The following COMMD1 variants were observed in gnomAD, a reference collection of about 807,000 sequenced individuals.
COMMD1 encodes COMM domain-containing protein 1.
Under a neutral mutation model 17.2 loss-of-function variants are expected in COMMD1, and 10 were observed. That is an observed-to-expected ratio of 0.58 (90% CI 0.36 to 0.99). COMMD1 has a LOEUF of 0.99. Ranked by LOEUF, COMMD1 falls within the 50% of genes least tolerant of loss-of-function variation. The probability of loss-of-function intolerance (pLI) is 0.01; values close to 1 mark genes in which losing one functional copy is unlikely to be tolerated. For synonymous variants in COMMD1, 97 were observed against 91.6 expected (o/e 1.06, Z -0.34); for missense variants, 270 against 231.8 (o/e 1.17, Z -1.07).
At chr2:62,041,725 G>A (rs999843749) in intron 2 of COMMD1, among the ~76,000 whole-genome samples, 1 of 152,150 alleles carries the variant, frequency 6.6e-6, no homozygotes, top group African/African-American at 2.4e-5. Context: ...ACCCTCACGG[G>A]TGAGTGTTAC....
rs577763193 is a variant in COMMD1, at chr2:62,071,107, G to A, written c.463-64724G>A. On this transcript the variant is annotated intron_variant, in intron 2 of 2. Transcript: ENST00000311832. ...GAGGCATGGGCTGCTTATTCTTATTGTTACTTCTTGATTATATGCTAAACA... is the reference window on the plus strand; with the variant it reads ...GAGGCATGGGCTGCTTATTCTTATTATTACTTCTTGATTATATGCTAAACA... Among the ~76,000 whole-genome samples the A allele has an allele frequency of 2.0e-5, 3 of 152,302 alleles. No homozygotes were observed. The East Asian group carries it at 5.8e-4, about 29-fold the overall frequency.
chr2:62,110,424 G>T (rs886123055), intron 2 of COMMD1, among the ~76,000 whole-genome samples: 4 of 152,116 alleles, frequency 2.6e-5, no homozygotes, highest in African/African-American at 7.2e-5. Context: ...AACTATGCCT[G>T]GCAGGTATAA....
intron 1 of COMMD1, among the ~76,000 whole-genome samples, chr2:61,995,530 G>T (rs982403278): frequency 7.9e-5 from 12 of 152,128 alleles, no homozygotes; most frequent in African/African-American, 2.9e-4. Context: ...GATGTCTCAG[G>T]ATCTCTGAAG....
At chr2:61,927,922 G>A (rs761887366) in intron 1 of COMMD1, among the ~76,000 whole-genome samples, 47 of 152,016 alleles carry the variant, frequency 3.1e-4, no homozygotes, top group Non-Finnish European at 5.7e-4. Context: ...ATGCCACCAC[G>A]CCTGGCTAAT....
intron 1 of COMMD1, among the ~76,000 whole-genome samples, chr2:61,897,778 A>G (rs1226395438): frequency 6.6e-6 from 1 of 152,008 alleles, no homozygotes; most frequent in African/African-American, 2.4e-5. Context: ...ATTGGCCATT[A>G]CATGTAAACT....
Position 61,920,981 on chromosome 2 carries a change from A to ATTT in COMMD1, c.180+15135_180+15137dup, listed in dbSNP as rs61439372. Among the ~76,000 whole-genome samples the ATTT allele has an allele frequency of 5.2e-4, 74 of 141,386 alleles. 1 individual carries two copies. The highest frequency in any genetic ancestry group is 1.8e-3 in the East Asian group (9 of 4,954). 92.8% of individuals were successfully genotyped at this position (141,386 alleles called of 152,430 possible). On this transcript the variant is annotated intron_variant, in intron 1 of 2. Coordinates refer to ENST00000311832, the MANE Select transcript of COMMD1 (RefSeq NM_152516.4). ...TATATGTGTGTATATATATATATAT[A>ATTT]TTTTTTTTTTTTTTGAGACAGAGCC...
chr2:61,984,245 C>G (rs147114048), intron 1 of COMMD1, among the ~76,000 whole-genome samples: 2,564 of 152,256 alleles, frequency 0.017, 35 homozygotes, highest in Middle Eastern at 0.058. Flanking sequence ...AGGTTGGTCT[C>G]GAACTCCTGA....
chr2:62,098,476 A>G (rs1190645587), intron 2 of COMMD1, among the ~76,000 whole-genome samples: 3 of 152,086 alleles, frequency 2.0e-5, no homozygotes, highest in Non-Finnish European at 2.9e-5. Flanking sequence ...AGGGTTGACT[A>G]AGTGACTGGT....
intron 2 of COMMD1, among the ~76,000 whole-genome samples, chr2:62,092,792 C>T (rs749673259): frequency 3.9e-5 from 6 of 152,106 alleles, no homozygotes; most frequent in Non-Finnish European, 8.8e-5. Context: ...CCTTAGCCAA[C>T]CTCATAGGTC....
chr2:62,005,137 A>G (rs2103815906), intron 2 of COMMD1, among the ~76,000 whole-genome samples: 1 of 152,362 alleles, frequency 6.6e-6, no homozygotes, highest in African/African-American at 2.4e-5. Context: ...GAACATAGGT[A>G]TCGTTATTCT....
rs1164297104 is a variant in COMMD1, at chr2:61,913,796, CAAAA to C, written c.180+7956_180+7959del. ...GGGCAACAGAGCGAGACTCCATCTC[CAAAA>C]AAAAAAAAAAAAAAAAAGAAAAGTG... On this transcript the variant is annotated intron_variant, in intron 1 of 2. Transcript: ENST00000311832. Among the ~76,000 whole-genome samples, 5 of 14,512 alleles carry C rather than the reference CAAAA, an allele frequency of 3.4e-4. No individual in the cohort carries two copies. In the South Asian group the frequency reaches 0.017, roughly 48 times the overall value. The allele number at this position is 14,512 out of a possible 152,430, so 9.5% of individuals were successfully genotyped here.
chr2:62,035,254 C>T (rs1033689978), intron 2 of COMMD1, among the ~76,000 whole-genome samples: 10 of 152,324 alleles, frequency 6.6e-5, no homozygotes, highest in African/African-American at 2.4e-4. Flanking sequence ...TAGAAGTTTT[C>T]ACAATATACT....
At chr2:62,057,250 C>T (rs1670730518) in intron 2 of COMMD1, among the ~76,000 whole-genome samples, 1 of 152,266 alleles carries the variant, frequency 6.6e-6, no homozygotes, top group Non-Finnish European at 1.5e-5. Flanking sequence ...AAACCAGTCC[C>T]TGGTGCCAAA....
chr2:62,015,147 A>G (rs916556874), intron 2 of COMMD1, among the ~76,000 whole-genome samples: 13 of 152,144 alleles, frequency 8.5e-5, no homozygotes, highest in African/African-American at 3.1e-4. Flanking sequence ...TAAATCCCAA[A>G]CAGAAATTCA....
At chr2:62,090,092 A>G (rs1442761027) in intron 2 of COMMD1, among the ~76,000 whole-genome samples, 1 of 149,600 alleles carries the variant, frequency 6.7e-6, no homozygotes, top group Non-Finnish European at 1.5e-5. Flanking sequence ...GGTTTAGTCT[A>G]AAAAAAAAAT....
chr2:62,040,547 C>T (rs1199670318), intron 2 of COMMD1, among the ~76,000 whole-genome samples: 4 of 151,976 alleles, frequency 2.6e-5, no homozygotes, highest in Non-Finnish European at 5.9e-5. Context: ...AAAATGAAAA[C>T]CCAAAAGACA....
exon 1 of COMMD1, chr2:61,888,751 G>T (rs916566174): frequency 3.7e-6 from 2 of 534,358 alleles, no homozygotes; most frequent in Non-Finnish European, 6.6e-6. Flanking sequence ...CCGGGCTGGC[G>T]AGATTGTACG....
At chr2:62,113,777 T>C (rs1672518720) in intron 2 of COMMD1, among the ~76,000 whole-genome samples, 1 of 152,256 alleles carries the variant, frequency 6.6e-6, no homozygotes, top group Admixed American at 6.5e-5. Context: ...TGCAGTTGTT[T>C]AATAAGTATT....
At chr2:61,897,248 C>A (rs183453294) in intron 1 of COMMD1, among the ~76,000 whole-genome samples, 1 of 152,304 alleles carries the variant, frequency 6.6e-6, no homozygotes, top group East Asian at 1.9e-4. Context: ...CTACCCTAGA[C>A]CAAGTCCATA....
Sources: gnomAD v4.1 joint callset for allele counts (sites outside exome capture counted in the v4.1 genomes callset) on GRCh38, gnomAD v4.1.1 for gene constraint, MANE v1.5 for transcripts, NCBI Gene and HGNC (gene_info 2026-07-23, HGNC 2026-07-21) for gene names.